The following TYRO3 variants were observed in gnomAD, a reference collection of about 807,000 sequenced individuals.
The protein encoded by TYRO3 is TYRO3 protein tyrosine kinase, also known as tyrosine-protein kinase receptor TYRO3.
Under a neutral mutation model 95.2 loss-of-function variants are expected in TYRO3, and 38 were observed. The observed-to-expected ratio is 0.40, with a 90% CI of 0.31 to 0.52. The LOEUF (loss-of-function observed/expected upper bound fraction) is 0.52, where lower values mean the gene tolerates loss of function less well. TYRO3 is among the 20% of genes least tolerant of loss of function. TYRO3 has a pLI of 0.56. For synonymous variants in TYRO3, 367 were observed against 432.9 expected (o/e 0.85, Z 1.89); for missense variants, 812 against 1,116.4 (o/e 0.73, Z 3.89).
Position 41,560,992 on chromosome 15 carries a change from A to T in TYRO3, c.125-135A>T, listed in dbSNP as rs2055645252. On this transcript the variant is annotated intron_variant, in intron 1 of 18. Coordinates refer to ENST00000263798, the MANE Select transcript of TYRO3 (RefSeq NM_006293.4). ...GCGACCTTCCCTTCCACACTGTCCT[A>T]CCTCTGCTTCCTTGACTTTGGCTGA... 3 of 1,086,792 alleles carry T rather than the reference A, an allele frequency of 2.8e-6. No individual in the cohort carries two copies. In the Admixed American group the frequency reaches 5.6e-5, roughly 20 times the overall value. The allele number at this position is 1,086,792 out of a possible 1,614,324, so 67.3% of individuals were successfully genotyped here.
rs1455962079 is a variant in TYRO3 at position 41,561,215 on chromosome 15, G to A, written c.213G>A (p.Glu71=). ...ACTGCAGTGTGGAGGGGATGGAGGA[G>A]CCTGACATCCAGTGGGTGAAGGATG... ...KLNCSVEGME[E]PDIQWVKDGA... is the part of the protein sequence containing the mutation. Residue 71 remains glutamate, a synonymous_variant, in exon 2 of 19, where the codon GAG becomes GAA. Coordinates refer to ENST00000263798, the MANE Select transcript of TYRO3 (RefSeq NM_006293.4). 1 of 1,614,260 alleles carries A rather than the reference G, an allele frequency of 6.2e-7. No individual in the cohort carries two copies.
chr15:41,580,096 C>T lies in TYRO3; in HGVS notation c.*1820C>T, dbSNP rs1398994142. ...TAAATGATGGGGTTAAGGGGACGTT[C>T]TTCTTTGTGCTTTCCAAGTTTTCTG... On this transcript the variant is annotated 3_prime_UTR_variant, in exon 19 of 19. Coordinates refer to ENST00000263798, the MANE Select transcript of TYRO3 (RefSeq NM_006293.4). 1.3e-5 allele frequency: 2 copies of T among 151,586 alleles called. No individual in the cohort carries two copies. Among genetic ancestry groups the T allele is most frequent in the Non-Finnish European group, 2.9e-5 (2 of 67,906 alleles). 9.4% of individuals were successfully genotyped at this position (151,586 alleles called of 1,614,324 possible). A position where few individuals can be genotyped will look rare whatever the true frequency, so the allele number is the denominator to read the frequency against.
Position 41,578,102 on chromosome 15 carries a change from T to TGGCAGTGGCATGGG in TYRO3, c.2508_2521dup (p.Gly841AlafsTer77). On this transcript the variant is annotated frameshift_variant, in exon 19 of 19. Coordinates refer to ENST00000263798, the MANE Select transcript of TYRO3 (RefSeq NM_006293.4). LOFTEE classifies it high-confidence loss of function. ...ATCAGCCCTACAGTGGGGCTGGGGA[T>TGGCAGTGGCATGGG]GGCAGTGGCATGGGGGCAGTGGGTG... 6.2e-7 allele frequency: 1 copy of TGGCAGTGGCATGGG among 1,613,976 alleles called. No individual in the cohort carries two copies. The highest frequency in any genetic ancestry group is 8.5e-7 in the Non-Finnish European group (1 of 1,180,002).
chr15:41,574,355 A>G (rs1310843487), intron 18 of TYRO3, among the ~76,000 whole-genome samples: 1 of 152,176 alleles, frequency 6.6e-6, no homozygotes, highest in Non-Finnish European at 1.5e-5. Context: ...TGGGCAGGCA[A>G]TGATACCACC....
In TYRO3 at chr15:41,570,603, G is replaced by C. The variant is rs200684350; in HGVS notation, c.1484-1G>C. The C allele has an allele frequency of 7.9e-7, 1 of 1,272,812 alleles. No individual in the cohort carries two copies. The highest frequency in any genetic ancestry group is 1.1e-6 in the Non-Finnish European group (1 of 919,202). The allele number at this position is 1,272,812 out of a possible 1,614,324, so 78.8% of individuals were successfully genotyped here. A position where few individuals can be genotyped will look rare whatever the true frequency, so the allele number is the denominator to read the frequency against. On this transcript the variant is annotated splice_acceptor_variant, in intron 11 of 18. Transcript: ENST00000263798. LOFTEE classifies it high-confidence loss of function. Reference sequence around the variant, plus strand: ...CTTTCCCACAAACCCTTTCCCCACAGTGGACAGCTTGGGCATCAGCGATGA... The same window carrying C: ...CTTTCCCACAAACCCTTTCCCCACACTGGACAGCTTGGGCATCAGCGATGA...
intron 15 of TYRO3, 28 bp from the exon 16 acceptor site, chr15:41,572,974 G>C: frequency 6.4e-6 from 6 of 942,340 alleles, no homozygotes; most frequent in Non-Finnish European, 9.6e-6. Flanking sequence ...GGCAGGTTAA[G>C]CCTGAGCTTG....
In TYRO3 at chr15:41,570,032, C is replaced by T. The variant is rs1192174017; in HGVS notation, c.1258C>T (p.Gln420Ter). The change falls in exon 10 of 19, where the codon CAG becomes TAG. Residue 420 changes from glutamine (Q) to a stop codon, truncating the protein, a stop_gained. Transcript: ENST00000263798. LOFTEE classifies it high-confidence loss of function. ...VVSSHDRAGQQGPPHSRTSWV... is the reference protein window; with the variant it reads ...VVSSHDRAGQ ...ACTGCACCTCCCTCCCACAGGCCAG[C>T]AGGGCCCTCCTCACAGCCGCACATC... 6.2e-7 allele frequency: 1 copy of T among 1,612,592 alleles called. No individual in the cohort carries two copies. Among genetic ancestry groups the T allele is most frequent in the Admixed American group, 1.7e-5 (1 of 60,024 alleles).
intron 13 of TYRO3, 129 bp downstream of exon 13, chr15:41,571,247 CTT>C: frequency 1.2e-6 from 1 of 806,532 alleles, no homozygotes; most frequent in Non-Finnish European, 2.1e-6. Context: ...CTGGGATGCT[CTT>C]TACCACACGA....
chr15:41,559,768 G>C (rs1196332400), intron 1 of TYRO3, among the ~76,000 whole-genome samples: 1 of 152,232 alleles, frequency 6.6e-6, no homozygotes, highest in Non-Finnish European at 1.5e-5. Context: ...AAACCACACG[G>C]GCCGGGGCTG....
intron 7 of TYRO3, 56 bp downstream of exon 7, chr15:41,567,593 G>C (rs1025481840): frequency 7.2e-7 from 1 of 1,392,282 alleles, no homozygotes; most frequent in Non-Finnish European, 9.4e-7. Context: ...GAAGGGGGCC[G>C]TGTTGGCTGG....
At position 41,573,235 on chromosome 15, in the gene TYRO3, C is replaced by CAAAGATGT. The variant is rs1210129964; in HGVS notation, c.1986-72_1986-65dup. The CAAAGATGT allele has an allele frequency of 3.2e-6, 5 of 1,565,022 alleles. No individual in the cohort carries two copies. The African/African-American group carries it at 6.7e-5, about 21-fold the overall frequency. On this transcript the variant is annotated intron_variant, in intron 16 of 18. Coordinates refer to ENST00000263798, the MANE Select transcript of TYRO3 (RefSeq NM_006293.4). The stretch of plus-strand genomic sequence containing the variant: ...TGGGGGTAGCTTGGGAGCAAAGATG[C>CAAAGATGT]AAAGATGTCCTGGCTCTTGTGGGCC...
chr15:41,564,209 C>T lies in TYRO3; in HGVS notation c.606C>T (p.Ser202=). The T allele has an allele frequency of 2.5e-6, 4 of 1,614,152 alleles. No individual in the cohort carries two copies. Among genetic ancestry groups the T allele is most frequent in the Non-Finnish European group, 3.4e-6 (4 of 1,180,020 alleles). ...VTGVTQSTMF[S]CEAHNLKGLA... ...GGGTGACCCAGAGCACCATGTTTTC[C>T]TGTGAAGCTCACAACCTAAAAGGCC... Residue 202 remains serine (S), a synonymous_variant, in exon 5 of 19, where the codon TCC becomes TCT. Coordinates refer to ENST00000263798, the MANE Select transcript of TYRO3 (RefSeq NM_006293.4).
At chr15:41,573,207 G>A in intron 16 of TYRO3, 96 bp downstream of exon 16, 3 of 1,404,702 alleles carry the variant, frequency 2.1e-6, no homozygotes, top group Non-Finnish European at 2.9e-6. Context: ...TATCTGCTAT[G>A]CATGGGGGTA....
chr15:41,568,935 G>A lies in TYRO3; in HGVS notation c.1165G>A (p.Asp389Asn), dbSNP rs2055759295. 1 of 1,613,534 alleles carries A rather than the reference G, an allele frequency of 6.2e-7. No individual in the cohort carries two copies. Among genetic ancestry groups the A allele is most frequent in the African/African-American group, 1.3e-5 (1 of 74,902 alleles). Residue 389 changes from aspartate (D) to asparagine (N), a missense_variant, in exon 9 of 19, where the codon GAC becomes AAC. By Grantham distance (23) the Asp-to-Asn change is conservative. Transcript: ENST00000263798. ...TTTGACAGGCTGGGATCCCCAAAAGGACCTGATCGTACGTGTGTGCGTCTC... is the reference window on the plus strand; with the variant it reads ...TTTGACAGGCTGGGATCCCCAAAAGAACCTGATCGTACGTGTGTGCGTCTC... ...ANLTGWDPQK[D>N]LIVRVCVSNA...
intron 18 of TYRO3, 145 bp from the exon 19 acceptor site, chr15:41,577,741 C>A: frequency 1.2e-6 from 1 of 810,820 alleles, no homozygotes; most frequent in Non-Finnish European, 1.9e-6. Flanking sequence ...CCCCTTCGGC[C>A]TCCCAAAGTG....
intron 18 of TYRO3, among the ~76,000 whole-genome samples, chr15:41,574,131 C>G (rs1241957400): frequency 4.6e-5 from 7 of 152,204 alleles, no homozygotes; most frequent in Admixed American, 4.6e-4. Context: ...TCCCTGCCAT[C>G]TTCCCACCCG....
In TYRO3 at chr15:41,570,710, CTG is replaced by C. The variant is rs2055785024; in HGVS notation, c.1579+16_1579+17del. On this transcript the variant is annotated intron_variant, in intron 12 of 18. Transcript: ENST00000263798. Reference sequence around the variant, plus strand: ...GGATGTTGGGCAAAGGTATGTGAGGCTGTGTGGGGATGGGCATGGCTGGTTTG... The same window carrying C: ...GGATGTTGGGCAAAGGTATGTGAGGCTGTGGGGATGGGCATGGCTGGTTTG... The C allele has an allele frequency of 9.6e-7, 1 of 1,037,132 alleles. No homozygotes were observed. The highest frequency in any genetic ancestry group is 1.5e-5 in the African/African-American group (1 of 67,470). 64.2% of individuals were successfully genotyped at this position (1,037,132 alleles called of 1,614,324 possible).
At chr15:41,572,299 G>C in intron 14 of TYRO3, 144 bp from the exon 15 acceptor site, 1 of 1,202,194 alleles carries the variant, frequency 8.3e-7, no homozygotes, top group Non-Finnish European at 1.1e-6. Flanking sequence ...GTAGTCCCCA[G>C]ACCAGTGTGG....
chr15:41,573,866 T>C, intron 18 of TYRO3, 51 bp downstream of exon 18: 3 of 1,367,546 alleles, frequency 2.2e-6, no homozygotes, highest in South Asian at 1.3e-5. Flanking sequence ...TCTGGAGTTT[T>C]GGCTGATGGC....
Sources: gnomAD v4.1 joint callset for allele counts (sites outside exome capture counted in the v4.1 genomes callset) on GRCh38, gnomAD v4.1.1 for gene constraint, MANE v1.5 for transcripts, NCBI Gene and HGNC (gene_info 2026-07-23, HGNC 2026-07-21) for gene names.